CHCHD3: variants seen among roughly 807,000 people sequenced by gnomAD.
The protein encoded by CHCHD3 is MICOS complex subunit MIC19.
In CHCHD3, 20 loss-of-function variants were observed where a neutral mutation model predicts 38.2. That is an observed-to-expected ratio of 0.52 (90% CI 0.37 to 0.76). The LOEUF (loss-of-function observed/expected upper bound fraction) is 0.76, where lower values mean the gene tolerates loss of function less well. CHCHD3 is among the 30% of genes least tolerant of loss of function. The pLI is 0.00. For synonymous variants in CHCHD3, 82 were observed against 100.0 expected, an observed-to-expected ratio of 0.82 and a Z score of 1.07; for missense variants, 245 against 279.2, an observed-to-expected ratio of 0.88 and a Z score of 0.87.
chr7:132,978,665 T>C (rs6947589), intron 3 of CHCHD3, among the ~76,000 whole-genome samples: 108,502 of 152,006 alleles, frequency 0.71, 38,861 homozygotes, highest in African/African-American at 0.75. Flanking sequence ...CTCCAAGGGC[T>C]TAGCCACCAT....
At chr7:132,969,530 T>G (rs988532585) in intron 4 of CHCHD3, among the ~76,000 whole-genome samples, 1 of 152,192 alleles carries the variant, frequency 6.6e-6, no homozygotes, top group African/African-American at 2.4e-5. Flanking sequence ...TTACATTGAT[T>G]GCTAATTTTT....
chr7:132,861,825 C>T (rs1288172713), intron 5 of CHCHD3, among the ~76,000 whole-genome samples: 1 of 152,094 alleles, frequency 6.6e-6, no homozygotes, highest in East Asian at 1.9e-4. Context: ...TTTTCCCCAA[C>T]CATTTAAAAA....
chr7:132,874,110 T>C lies in CHCHD3; in HGVS notation c.453+11552A>G, dbSNP rs1808835420. The stretch of plus-strand genomic sequence containing the variant: ...ATTCGACAAATATTTAACAAGCACC[T>C]GCTAAGTGCCAAGTACTGGTCTAGG... On this transcript the variant is annotated intron_variant, in intron 5 of 7. Coordinates refer to ENST00000262570, the MANE Select transcript of CHCHD3 (RefSeq NM_017812.4). 2.0e-5 allele frequency among the ~76,000 whole-genome samples: 3 copies of C among 152,242 alleles called. No individual in the cohort carries two copies. The South Asian group carries it at 6.2e-4, about 32-fold the overall frequency.
chr7:132,842,760 C>T (rs1316074028), intron 5 of CHCHD3, among the ~76,000 whole-genome samples: 1 of 152,164 alleles, frequency 6.6e-6, no homozygotes, highest in Non-Finnish European at 1.5e-5. Context: ...AGCAATATGC[C>T]TTTCTCCTGC....
intron 6 of CHCHD3, among the ~76,000 whole-genome samples, chr7:132,832,878 A>C (rs969658295): frequency 6.6e-6 from 1 of 152,174 alleles, no homozygotes; most frequent in South Asian, 2.1e-4. Flanking sequence ...TTCTATCATG[A>C]GTGCTTTATG....
At chr7:132,908,982 G>C (rs1420846318) in intron 4 of CHCHD3, among the ~76,000 whole-genome samples, 1 of 152,058 alleles carries the variant, frequency 6.6e-6, no homozygotes, top group Non-Finnish European at 1.5e-5. Flanking sequence ...TTGTGAGAGG[G>C]ACCCGGTAAG....
chr7:132,844,633 G>A (rs1327003571), intron 5 of CHCHD3, among the ~76,000 whole-genome samples: 2 of 152,096 alleles, frequency 1.3e-5, no homozygotes, highest in African/African-American at 2.4e-5. Flanking sequence ...TTTGATATAA[G>A]CATAAAACAT....
rs55835343 is a variant in CHCHD3, at chr7:132,807,606, AATATATATATATATATATAT to A, written c.525-11049_525-11030del. On this transcript the variant is annotated intron_variant, in intron 6 of 7. Coordinates refer to ENST00000262570, the MANE Select transcript of CHCHD3 (RefSeq NM_017812.4). ...CCATGTATATGCTAACATACACATA[AATATATATATATATATATAT>A]ATATATATATATATATATACTTGAC... Among the ~76,000 whole-genome samples the A allele has an allele frequency of 1.7e-3, 184 of 108,952 alleles. No homozygotes were observed. In the Middle Eastern group the frequency reaches 0.017, roughly 10 times the overall value. 71.5% of individuals were successfully genotyped at this position (108,952 alleles called of 152,430 possible). A position where few individuals can be genotyped will look rare whatever the true frequency, so the allele number is the denominator to read the frequency against.
chr7:132,895,372 T>C (rs1204777310), intron 4 of CHCHD3, among the ~76,000 whole-genome samples: 1 of 152,194 alleles, frequency 6.6e-6, no homozygotes, highest in Non-Finnish European at 1.5e-5. Context: ...TGGCCTCTAA[T>C]CCGTACAGCC....
chr7:132,795,935 A>G (rs189890101), intron 7 of CHCHD3, among the ~76,000 whole-genome samples: 12 of 152,312 alleles, frequency 7.9e-5, no homozygotes, highest in Non-Finnish European at 2.9e-5. Context: ...ATTCTTTTTA[A>G]AATGCTATCT....
At position 132,930,978 on chromosome 7, in the gene CHCHD3, A is replaced by G. The variant is rs141468506; in HGVS notation, c.369+44191T>C. Among the ~76,000 whole-genome samples the G allele has an allele frequency of 6.5e-3, 991 of 152,320 alleles. 11 individuals carry two copies. Among genetic ancestry groups the G allele is most frequent in the African/African-American group, 0.022 (919 of 41,562 alleles). ...TTTGTGCTTCTATCTATATGCAGGT[A>G]TCAGTCTTCTAACTAGAATTTAAGA... On this transcript the variant is annotated intron_variant, in intron 4 of 7. Coordinates refer to ENST00000262570, the MANE Select transcript of CHCHD3 (RefSeq NM_017812.4).
Position 132,817,418 on chromosome 7 carries a change from TA to T in CHCHD3, c.525-20842del, listed in dbSNP as rs112602393. Among the ~76,000 whole-genome samples the T allele has an allele frequency of 1.8e-3, 269 of 148,786 alleles. 1 individual carries two copies. Among genetic ancestry groups the T allele is most frequent in the Middle Eastern group, 7.0e-3 (2 of 286 alleles). ...CTATTATATCAAAGTGCATTGAGAT[TA>T]AAAAAAAAATGAGGCAAAGTGATGA... On this transcript the variant is annotated intron_variant, in intron 6 of 7. Transcript: ENST00000262570.
At chr7:132,791,421 T>C (rs1034728804) in intron 7 of CHCHD3, among the ~76,000 whole-genome samples, 1 of 152,232 alleles carries the variant, frequency 6.6e-6, no homozygotes, top group Non-Finnish European at 1.5e-5. Flanking sequence ...TTGGGTTATA[T>C]GATCTCTAGG....
At chr7:132,873,842 T>C (rs1189364378) in intron 5 of CHCHD3, among the ~76,000 whole-genome samples, 1 of 152,232 alleles carries the variant, frequency 6.6e-6, no homozygotes, top group Non-Finnish European at 1.5e-5. Context: ...AATAATTTAA[T>C]TTATTTCAAA....
intron 4 of CHCHD3, among the ~76,000 whole-genome samples, chr7:132,947,579 G>A (rs1382822712): frequency 2.0e-5 from 3 of 151,912 alleles, no homozygotes; most frequent in Non-Finnish European, 4.4e-5. Flanking sequence ...ACATTTAACA[G>A]ACATTGAAAG....
intron 6 of CHCHD3, among the ~76,000 whole-genome samples, chr7:132,817,510 C>G (rs1049300996): frequency 2.6e-5 from 4 of 152,146 alleles, no homozygotes; most frequent in Non-Finnish European, 4.4e-5. Flanking sequence ...TCCAGAAGAG[C>G]CACCTGCCAC....
intron 4 of CHCHD3, among the ~76,000 whole-genome samples, chr7:132,961,405 T>C (rs1811316492): frequency 6.6e-6 from 1 of 152,178 alleles, no homozygotes; most frequent in African/African-American, 2.4e-5. Context: ...ATACAAAAAT[T>C]TGGGTCACTT....
intron 4 of CHCHD3, among the ~76,000 whole-genome samples, chr7:132,963,169 T>TAA (rs1191376140): frequency 6.7e-6 from 1 of 148,624 alleles, no homozygotes; most frequent in African/African-American, 2.4e-5. Flanking sequence ...TATATATATA[T>TAA]AATATATGTA....
chr7:132,849,945 A>T (rs1488998715), intron 5 of CHCHD3, among the ~76,000 whole-genome samples: 1 of 151,978 alleles, frequency 6.6e-6, no homozygotes, highest in Non-Finnish European at 1.5e-5. Flanking sequence ...TTATTAAACA[A>T]GAAAAAAATC....
Sources: gnomAD v4.1 joint callset for allele counts (sites outside exome capture counted in the v4.1 genomes callset) on GRCh38, gnomAD v4.1.1 for gene constraint, MANE v1.5 for transcripts, NCBI Gene and HGNC (gene_info 2026-07-23, HGNC 2026-07-21) for gene names.